The following MMP24 variants were observed in gnomAD, a reference collection of about 807,000 sequenced individuals.
MMP24 encodes the protein matrix metalloproteinase-24.
MMP24 carries 25 observed loss-of-function variants against 62.8 expected under a neutral mutation model. The ratio of observed to expected loss-of-function variants is 0.40; its 90% CI spans 0.29 to 0.56. The LOEUF is 0.56. Ranked by LOEUF, MMP24 falls within the 20% of genes least tolerant of loss-of-function variation. The pLI, the probability that MMP24 is intolerant of heterozygous loss-of-function variation, is 0.50. For missense variants in MMP24, 634 were observed against 853.6 expected, an observed-to-expected ratio of 0.74 and a Z score of 3.21; for synonymous variants, 319 against 350.5, an observed-to-expected ratio of 0.91 and a Z score of 1.00.
intron 5 of MMP24, among the ~76,000 whole-genome samples, chr20:35,266,175 TAAAAAAAA>T (rs35806814): frequency 2.3e-5 from 1 of 43,016 alleles, no homozygotes; most frequent in Non-Finnish European, 3.8e-5. Context: ...CCATCTCTGC[TAAAAAAAA>T]AAAAAAAAAA....
chr20:35,229,885 T>C, intron 1 of MMP24, among the ~76,000 whole-genome samples: 1 of 152,312 alleles, frequency 6.6e-6, no homozygotes, highest in East Asian at 1.9e-4. Flanking sequence ...TCCAATAAAC[T>C]TTCCCTGATT....
intron 2 of MMP24, among the ~76,000 whole-genome samples, chr20:35,249,185 T>G (rs1382082678): frequency 6.6e-6 from 1 of 152,184 alleles, no homozygotes; most frequent in Non-Finnish European, 1.5e-5. Context: ...TCCAGCTCTG[T>G]GACCTTGGGC....
intron 5 of MMP24, among the ~76,000 whole-genome samples, chr20:35,266,089 G>A (rs1476730967): frequency 6.8e-6 from 1 of 147,380 alleles, no homozygotes; most frequent in Non-Finnish European, 1.5e-5. Context: ...TGTAATCCCA[G>A]CACTTTGGGA....
chr20:35,251,323 C>T (rs2060545459), intron 2 of MMP24, among the ~76,000 whole-genome samples: 1 of 151,870 alleles, frequency 6.6e-6, no homozygotes, highest in African/African-American at 2.4e-5. Flanking sequence ...TGGGGTTTCA[C>T]CGTGTTGGCC....
intron 1 of MMP24, among the ~76,000 whole-genome samples, chr20:35,237,693 A>C (rs918270831): frequency 5.9e-5 from 9 of 152,342 alleles, no homozygotes; most frequent in African/African-American, 2.2e-4. Flanking sequence ...TAGAGGAGTT[A>C]GGTCATTTGC....
chr20:35,252,287 A>G (rs551367447), intron 3 of MMP24, among the ~76,000 whole-genome samples: 1 of 152,286 alleles, frequency 6.6e-6, no homozygotes, highest in South Asian at 2.1e-4. Flanking sequence ...TTAGATGCCT[A>G]TAGTTTTTAG....
Position 35,271,694 on chromosome 20 carries a change from A to C in MMP24, c.1459A>C (p.Lys487Gln). 6.2e-7 allele frequency: 1 copy of C among 1,608,204 alleles called. No homozygotes were observed. Among genetic ancestry groups the C allele is most frequent in the Non-Finnish European group, 8.5e-7 (1 of 1,177,514 alleles). The change falls in exon 8 of 9, where the codon AAG (lysine) becomes CAG (glutamine). Residue 487 changes from lysine to glutamine, a missense_variant. Physicochemically the swap from Lys to Gln is moderately conservative, Grantham distance 53 (BLOSUM62 1). Coordinates refer to ENST00000246186, the MANE Select transcript of MMP24 (RefSeq NM_006690.4). This position sits in a 1 kb window ranked among gnomAD's most constrained non-coding sequence, Gnocchi z 4.0. ...DTALRWEPVG[K>Q]TYFFKGERYW... ...AGCTCTGCGCTGGGAACCTGTGGGC[A>C]AGACCTACTTTTTCAAAGGCGAGCG... is the stretch of plus-strand genomic sequence containing the variant.
intron 1 of MMP24, among the ~76,000 whole-genome samples, chr20:35,233,607 C>T (rs989552443): frequency 6.6e-6 from 1 of 152,154 alleles, no homozygotes; most frequent in Non-Finnish European, 1.5e-5. Flanking sequence ...CCCACCCTCA[C>T]CTGGCTTAAA....
Position 35,269,741 on chromosome 20 carries a change from CT to C in MMP24, c.1195-18del. 2 of 1,562,244 alleles carry C rather than the reference CT, an allele frequency of 1.3e-6. No individual in the cohort carries two copies. The highest frequency in any genetic ancestry group is 2.4e-5 in the East Asian group (1 of 41,566). ...CAGGGCCTGACACACCTCTCTCCCC[CT>C]CTCCCGCTTCCTCCCAGGATCGCTG... On this transcript the variant is annotated intron_variant, in intron 6 of 8. Coordinates refer to ENST00000246186, the MANE Select transcript of MMP24 (RefSeq NM_006690.4). This position sits in a 1 kb window ranked among gnomAD's most constrained non-coding sequence, Gnocchi z 4.6.
At chr20:35,228,563 G>T (rs932298105) in intron 1 of MMP24, among the ~76,000 whole-genome samples, 9 of 152,170 alleles carry the variant, frequency 5.9e-5, no homozygotes, top group Non-Finnish European at 1.2e-4. Context: ...CCATTGGTTT[G>T]TGTGACCTTG....
intron 8 of MMP24, among the ~76,000 whole-genome samples, chr20:35,272,477 A>G (rs544408020): frequency 2.0e-5 from 3 of 152,300 alleles, no homozygotes; most frequent in Admixed American, 6.5e-5. Context: ...GCCTCAAGCA[A>G]TCCTCCCACC....
chr20:35,258,985 A>G (rs1306724949), intron 4 of MMP24, among the ~76,000 whole-genome samples: 1 of 152,156 alleles, frequency 6.6e-6, no homozygotes, highest in Non-Finnish European at 1.5e-5. Context: ...GTTCGAGACC[A>G]GCCTGGCCAA....
chr20:35,273,633 G>C (rs929559038), intron 8 of MMP24, among the ~76,000 whole-genome samples: 1 of 152,160 alleles, frequency 6.6e-6, no homozygotes, highest in Non-Finnish European at 1.5e-5. Flanking sequence ...CCCTAGCCAC[G>C]GTGGGAAGCC....
intron 4 of MMP24, among the ~76,000 whole-genome samples, chr20:35,259,305 G>A (rs1048330955): frequency 6.6e-6 from 1 of 152,252 alleles, no homozygotes; most frequent in African/African-American, 2.4e-5. Context: ...TTCTGCTGCA[G>A]GTGGTCCGAG....
Position 35,256,714 on chromosome 20 carries a change from CAAA to C in MMP24, c.817+1984_817+1986del, listed in dbSNP as rs74173944. 4.5e-4 allele frequency among the ~76,000 whole-genome samples: 18 copies of C among 39,716 alleles called. No individual in the cohort carries two copies. In the East Asian group the frequency reaches 0.022, roughly 48 times the overall value. 26.1% of individuals were successfully genotyped at this position (39,716 alleles called of 152,430 possible). ...AGCCTGGGCAACAGAGATTCCGTCT[CAAA>C]AAAAAAAAAAAAAAAAAAAAAAAGA... On this transcript the variant is annotated intron_variant, in intron 4 of 8. Coordinates refer to ENST00000246186, the MANE Select transcript of MMP24 (RefSeq NM_006690.4).
chr20:35,263,174 G>C (rs2060613316), intron 4 of MMP24: 1 of 151,866 alleles, frequency 6.6e-6, no homozygotes, highest in Admixed American at 6.6e-5. Flanking sequence ...ACTGCAGCCA[G>C]AGTGATTTAA....
chr20:35,237,277 T>C (rs985641217), intron 1 of MMP24, among the ~76,000 whole-genome samples: 1 of 152,138 alleles, frequency 6.6e-6, no homozygotes, highest in African/African-American at 2.4e-5. Context: ...GCATTCCTGC[T>C]GGAGTTTCTA....
intron 4 of MMP24, among the ~76,000 whole-genome samples, chr20:35,258,415 CAT>C (rs1396094466): frequency 7.9e-5 from 12 of 152,320 alleles, no homozygotes; most frequent in South Asian, 2.1e-4. Context: ...TCCACACACA[CAT>C]GGCTGACATG....
chr20:35,262,512 A>G (rs1414650257), intron 4 of MMP24, among the ~76,000 whole-genome samples: 1 of 151,294 alleles, frequency 6.6e-6, no homozygotes, highest in East Asian at 1.9e-4. Flanking sequence ...TCCAGCCCTA[A>G]GGCGGTTTTT....
Sources: gnomAD v4.1 joint callset for allele counts (sites outside exome capture counted in the v4.1 genomes callset) on GRCh38, gnomAD v4.1.1 for gene constraint, Gnocchi (gnomAD v3.1) non-coding constraint, MANE v1.5 for transcripts, NCBI Gene and HGNC (gene_info 2026-07-23, HGNC 2026-07-21) for gene names.